The following CSMD1 variants were observed in gnomAD, a reference collection of about 807,000 sequenced individuals.
CSMD1 encodes CUB and Sushi multiple domains 1.
CSMD1 carries 213 observed loss-of-function variants against 417.5 expected under a neutral mutation model. That is an observed-to-expected ratio of 0.51 (90% CI 0.46 to 0.57). The LOEUF is 0.57. CSMD1 is among the 20% of genes least tolerant of loss of function. The pLI is 0.00. For synonymous variants in CSMD1, 2,862 were observed against 1,736.8 expected (o/e 1.65, Z -16.11); for missense variants, 6,923 against 4,529.7 (o/e 1.53, Z -15.17).
chr8:3,944,999 C>T (rs1023633001), intron 5 of CSMD1, among the ~76,000 whole-genome samples: 2 of 152,112 alleles, frequency 1.3e-5, no homozygotes, highest in South Asian at 2.1e-4. Flanking sequence ...GCGGTTCACC[C>T]GCAAGTCAAA....
Position 3,848,805 on chromosome 8 carries a change from C to A in CSMD1, c.819-94763G>T, listed in dbSNP as rs74563289. On this transcript the variant is annotated intron_variant, in intron 5 of 69. Coordinates refer to ENST00000635120, the MANE Select transcript of CSMD1 (RefSeq NM_033225.6). The stretch of plus-strand genomic sequence containing the variant: ...TACTGTAGAAAAAAATGATTAGCAG[C>A]GATTTTAAAGAAAAAGTGGTACTTT... Among the ~76,000 whole-genome samples, 7 of 151,566 alleles carry A rather than the reference C, an allele frequency of 4.6e-5. No individual in the cohort carries two copies. The East Asian group carries it at 9.7e-4, about 21-fold the overall frequency.
intron 5 of CSMD1, among the ~76,000 whole-genome samples, chr8:3,812,834 C>T (rs1344412377): frequency 6.6e-6 from 1 of 152,124 alleles, no homozygotes; most frequent in Non-Finnish European, 1.5e-5. Context: ...AGTTTTGAAA[C>T]ATTTATTTCA....
At chr8:3,690,831 G>C (rs1377338405) in intron 7 of CSMD1, among the ~76,000 whole-genome samples, 1 of 152,142 alleles carries the variant, frequency 6.6e-6, no homozygotes, top group Non-Finnish European at 1.5e-5. Flanking sequence ...TAGCAAAATT[G>C]AGGTTCTTTG....
chr8:3,791,738 G>C lies in CSMD1; in HGVS notation c.819-37696C>G, dbSNP rs182494838. On this transcript the variant is annotated intron_variant, in intron 5 of 69. Coordinates refer to ENST00000635120, the MANE Select transcript of CSMD1 (RefSeq NM_033225.6). ...CTCAGGAGGCTGAAGCAAGAGAATC[G>C]CTTGAGCCTGGGAGGTGGAAGTTGC... Among the ~76,000 whole-genome samples the C allele has an allele frequency of 3.5e-3, 525 of 152,164 alleles. 2 individuals are homozygous for C. The highest frequency in any genetic ancestry group is 0.012 in the African/African-American group (500 of 41,522).
chr8:4,137,661 T>A (rs1392457341), intron 3 of CSMD1, among the ~76,000 whole-genome samples: 1 of 131,446 alleles, frequency 7.6e-6, no homozygotes, highest in African/African-American at 2.5e-5. Context: ...TATAAATTCA[T>A]ACTGAAAGTA....
intron 3 of CSMD1, among the ~76,000 whole-genome samples, chr8:4,184,931 A>C (rs1798577420): frequency 6.6e-6 from 1 of 150,600 alleles, no homozygotes; most frequent in Non-Finnish European, 1.5e-5. Flanking sequence ...TGAGGTCAGG[A>C]GTTCAAGACC....
chr8:4,341,352 G>A (rs1800467066), intron 3 of CSMD1, among the ~76,000 whole-genome samples: 1 of 152,196 alleles, frequency 6.6e-6, no homozygotes, highest in Middle Eastern at 3.4e-3. Flanking sequence ...TGAATTCTGA[G>A]ATTCATATTC....
chr8:4,112,211 C>A (rs146754472), intron 3 of CSMD1, among the ~76,000 whole-genome samples: 3 of 152,098 alleles, frequency 2.0e-5, no homozygotes, highest in Non-Finnish European at 4.4e-5. Flanking sequence ...ACCAGTAACA[C>A]CTCTTTCAGG....
At chr8:4,425,354 A>G (rs1433914631) in intron 2 of CSMD1, among the ~76,000 whole-genome samples, 2 of 149,140 alleles carry the variant, frequency 1.3e-5, no homozygotes, top group African/African-American at 2.5e-5. Flanking sequence ...GCTGCAATGA[A>G]ATGGATTCAT....
At chr8:4,460,600 C>T (rs1182451869) in intron 2 of CSMD1, among the ~76,000 whole-genome samples, 2 of 148,964 alleles carry the variant, frequency 1.3e-5, no homozygotes, top group African/African-American at 2.6e-5. Flanking sequence ...TCTCAAATTA[C>T]TAAAATGGGG....
intron 10 of CSMD1, among the ~76,000 whole-genome samples, chr8:3,496,557 G>C (rs971137135): frequency 1.1e-4 from 17 of 152,142 alleles, no homozygotes; most frequent in African/African-American, 3.9e-4. Flanking sequence ...TTGGTATGTT[G>C]TATTTCTATT....
chr8:4,748,012 T>C (rs999264263), intron 1 of CSMD1, among the ~76,000 whole-genome samples: 2 of 152,210 alleles, frequency 1.3e-5, no homozygotes, highest in Admixed American at 6.5e-5. Flanking sequence ...CACTAAGTTA[T>C]CCATCTTCCA....
intron 6 of CSMD1, among the ~76,000 whole-genome samples, chr8:3,751,309 T>TGC (rs1425417264): frequency 6.9e-6 from 1 of 145,678 alleles, no homozygotes; most frequent in East Asian, 2.0e-4. Context: ...AGTGTGTGTG[T>TGC]GTGTGTGTGT....
chr8:4,523,302 G>T (rs552800807), intron 2 of CSMD1, among the ~76,000 whole-genome samples: 5 of 152,240 alleles, frequency 3.3e-5, no homozygotes, highest in Non-Finnish European at 5.9e-5. Flanking sequence ...TATCTCTTTT[G>T]CAGTTCTGAA....
At chr8:2,994,678 G>A (rs1378131801) in intron 54 of CSMD1, among the ~76,000 whole-genome samples, 1 of 152,150 alleles carries the variant, frequency 6.6e-6, no homozygotes, top group African/African-American at 2.4e-5. Context: ...GAAACACACA[G>A]TAAAGTTTTT....
chr8:4,784,264 C>A (rs1037391803), intron 1 of CSMD1, among the ~76,000 whole-genome samples: 61 of 152,304 alleles, frequency 4.0e-4, no homozygotes, highest in African/African-American at 1.3e-3. Context: ...AGTAAACAGG[C>A]TTTACCTTCC....
intron 5 of CSMD1, among the ~76,000 whole-genome samples, chr8:3,848,889 A>G (rs998757881): frequency 1.3e-5 from 2 of 151,592 alleles, no homozygotes; most frequent in Non-Finnish European, 2.9e-5. Flanking sequence ...AAAGAGTGAT[A>G]TAAAGAAGAT....
At chr8:3,321,757 AAC>A (rs751267381) in intron 23 of CSMD1, among the ~76,000 whole-genome samples, 1 of 152,220 alleles carries the variant, frequency 6.6e-6, no homozygotes, top group Non-Finnish European at 1.5e-5. Context: ...GTGTTATAAA[AAC>A]ACAAAGTTAA....
At chr8:3,775,637 T>C (rs1294759348) in intron 5 of CSMD1, among the ~76,000 whole-genome samples, 3 of 152,206 alleles carry the variant, frequency 2.0e-5, no homozygotes, top group African/African-American at 7.2e-5. Flanking sequence ...GTGCTCCTGT[T>C]CAGTAAAAGT....
Sources: allele counts gnomAD v4.1 joint callset (sites outside exome capture counted in the v4.1 genomes callset), GRCh38; gene constraint gnomAD v4.1.1; transcripts MANE v1.5; gene names NCBI Gene and HGNC (gene_info 2026-07-23, HGNC 2026-07-21).